PRR23A: variants seen among roughly 807,000 people sequenced by gnomAD.
PRR23A encodes proline rich 23A.
For missense variants in PRR23A, 342 were observed against 372.7 expected (o/e 0.92, Z 0.68); for synonymous variants, 161 against 170.6 (o/e 0.94, Z 0.44).
Position 139,005,662 on chromosome 3 carries a change from G to C in PRR23A, c.607C>G (p.Pro203Ala), listed in dbSNP as rs1936764805. ...GPIPEPCALA[P>A]NPSSEGHSPG... ...GAGTGTCCCTCTGAACTGGGGTTGG[G>C]GGCCAGAGCACAGGGTTCTGGGATG... The change falls in exon 1 of 1, where the codon CCC becomes GCC. Residue 203 changes from proline (P) to alanine (A), a missense_variant. By Grantham distance (27) the Pro-to-Ala change is conservative. Coordinates refer to ENST00000383163, the MANE Select transcript of PRR23A (RefSeq NM_001134659.1). 1 of 1,613,604 alleles carries C rather than the reference G, an allele frequency of 6.2e-7. No individual in the cohort carries two copies. The highest frequency in any genetic ancestry group is 8.5e-7 in the Non-Finnish European group (1 of 1,179,862).
At chr3:139,005,532 TG>T in the PRR23A span, 4 of 1,477,090 alleles carry the variant, frequency 2.7e-6, no homozygotes. Flanking sequence ...CGGGTGCGCG[TG>T]GGGACCTGGA....
Position 139,004,359 on chromosome 3 carries a change from C to T in PRR23A, c.*1109G>A, listed in dbSNP as rs1007438423. ...ACACTGCCCTGAAATTCAGGAATAC[C>T]CATTGGTTAAAGTACATAGAATATG... On this transcript the variant is annotated 3_prime_UTR_variant, in exon 1 of 1. Transcript: ENST00000383163. Among the ~76,000 whole-genome samples the T allele has an allele frequency of 1.3e-5, 2 of 152,090 alleles. No individual in the cohort carries two copies. The highest frequency in any genetic ancestry group is 2.9e-5 in the Non-Finnish European group (2 of 68,026).
rs1177400299 is a variant in PRR23A, at chr3:139,005,791, C to T, written c.478G>A (p.Ala160Thr). The T allele has an allele frequency of 6.8e-6, 11 of 1,613,492 alleles. No individual in the cohort carries two copies. Among genetic ancestry groups the T allele is most frequent in the Middle Eastern group, 1.6e-4 (1 of 6,084 alleles). The change falls in exon 1 of 1, where the codon GCG (alanine) becomes ACG (threonine). Residue 160 changes from alanine to threonine, a missense_variant. Ala to Thr is a moderately conservative substitution (Grantham distance 58). Transcript: ENST00000383163. ...TGGAGCTCCGGAAACTCGGGGTCCG[C>T]GTCCTCCTCGTAGGCCTCTTCCTGG... ...AAQEEAYEED[A>T]DPEFPELQMD... is the part of the protein sequence containing the mutation.
the PRR23A span, chr3:139,006,020 C>CG: frequency 6.2e-7 from 1 of 1,611,470 alleles, no homozygotes. Flanking sequence ...TCGACGTTGG[C>CG]GGGAGCTCCA....
In PRR23A at chr3:139,005,536, G is replaced by A. The variant is rs1936763105; in HGVS notation, c.733C>T (p.Pro245Ser). The change falls in exon 1 of 1, where the codon CCC becomes TCC. Residue 245 changes from proline (P) to serine (S), a missense_variant. Physicochemically the swap from Pro to Ser is moderately conservative, Grantham distance 74. Transcript: ENST00000383163. ...PPSPRVGSPG[P>S]HAHPPLPKRP... ...TTCGGGAGCGGCGGGTGCGCGTGGG[G>A]ACCTGGACTCCCCACGCGCGGAGAG... 1.9e-6 allele frequency: 3 copies of A among 1,545,038 alleles called. No homozygotes were observed. Among genetic ancestry groups the A allele is most frequent in the South Asian group, 2.5e-5 (2 of 80,686 alleles).
chr3:139,004,861 C>T lies in PRR23A; in HGVS notation c.*607G>A, dbSNP rs1269179122. 6.6e-6 allele frequency among the ~76,000 whole-genome samples: 1 copy of T among 152,142 alleles called. No homozygotes were observed. Among genetic ancestry groups the T allele is most frequent in the Non-Finnish European group, 1.5e-5 (1 of 68,028 alleles). On this transcript the variant is annotated 3_prime_UTR_variant, in exon 1 of 1. Coordinates refer to ENST00000383163, the MANE Select transcript of PRR23A (RefSeq NM_001134659.1). ...GAATGTTGTTTGTTTACTATCTAAT[C>T]TAATATGCATTTATCTTGATTGTCC...
rs1460121104 is a variant in PRR23A, at chr3:139,004,287, C to A, written c.*1181G>T. Among the ~76,000 whole-genome samples the A allele has an allele frequency of 6.6e-6, 1 of 151,972 alleles. No homozygotes were observed. The highest frequency in any genetic ancestry group is 2.1e-4 in the South Asian group (1 of 4,826). On this transcript the variant is annotated 3_prime_UTR_variant, in exon 1 of 1. Transcript: ENST00000383163. ...AAATAAATTAGACCAAATGTCCATG[C>A]GGTGAAGGTGAGTGAGTACCCCTGA... is the stretch of plus-strand genomic sequence containing the variant.
In PRR23A at chr3:139,005,896, C is replaced by A; in HGVS notation, c.373G>T (p.Asp125Tyr). Residue 125 changes from aspartate (D) to tyrosine (Y), a missense_variant, in exon 1 of 1, where the codon GAC (aspartate) becomes TAC (tyrosine). Asp to Tyr is a radical substitution (Grantham distance 160). Transcript: ENST00000383163. ...QDDSSAGLEV[D>Y]VFLGALREDV... ...TCCCTGAGAGCGCCCAGGAAAACGT[C>A]CACTTCCAGCCCAGCAGACGAGTCG... 6.2e-7 allele frequency: 1 copy of A among 1,613,608 alleles called. No individual in the cohort carries two copies.
rs181896594 is a variant in PRR23A, at chr3:139,004,030, T to C, written c.*1438A>G. On this transcript the variant is annotated 3_prime_UTR_variant, in exon 1 of 1. Transcript: ENST00000383163. ...CATTGCTTATTTATATCTATACATA[T>C]ATATATGTATATGTAGCTTTCATAT... Among the ~76,000 whole-genome samples the C allele has an allele frequency of 3.0e-4, 46 of 152,256 alleles. No individual in the cohort carries two copies. Among genetic ancestry groups the C allele is most frequent in the Admixed American group, 2.4e-3 (37 of 15,288 alleles).
rs1936759001 is a variant in PRR23A at position 139,005,323 on chromosome 3, C to G, written c.*145G>C. On this transcript the variant is annotated 3_prime_UTR_variant, in exon 1 of 1. Transcript: ENST00000383163. ...ACCAACCAGCCAGCCAGCCAACCAA[C>G]CAACCCACCCAAACAACAGTAATCC... 1.3e-6 allele frequency: 1 copy of G among 762,042 alleles called. No individual in the cohort carries two copies. The highest frequency in any genetic ancestry group is 2.9e-5 in the South Asian group (1 of 34,184). 47.2% of individuals were successfully genotyped at this position (762,042 alleles called of 1,614,324 possible).
Position 139,005,973 on chromosome 3 carries a change from A to G in PRR23A, c.296T>C (p.Leu99Pro), listed in dbSNP as rs780420071. ...RVSLDGHTLILIPEVLLSSVD... is the reference protein window; with the variant it reads ...RVSLDGHTLIPIPEVLLSSVD... ...AGAGCTCAGGAGGACCTCTGGGATC[A>G]GGATGAGGGTGTGTCCATCGAGAGA... is the stretch of plus-strand genomic sequence containing the variant. Residue 99 changes from leucine to proline, a missense_variant, in exon 1 of 1, where the codon CTG becomes CCG. Transcript: ENST00000383163. The G allele has an allele frequency of 3.2e-5, 52 of 1,613,880 alleles. No homozygotes were observed. The highest frequency in any genetic ancestry group is 4.2e-5 in the Non-Finnish European group (49 of 1,179,988).
In PRR23A at chr3:139,005,983, T is replaced by G. The variant is rs751977957; in HGVS notation, c.286A>C (p.Thr96Pro). ...SILRVSLDGHTLILIPEVLLS... is the reference protein window; with the variant it reads ...SILRVSLDGHPLILIPEVLLS... ...AGGACCTCTGGGATCAGGATGAGGG[T>G]GTGTCCATCGAGAGACACTCGCAGG... Residue 96 changes from threonine to proline, a missense_variant, in exon 1 of 1, where the codon ACC becomes CCC. Coordinates refer to ENST00000383163, the MANE Select transcript of PRR23A (RefSeq NM_001134659.1). 1 of 1,613,696 alleles carries G rather than the reference T, an allele frequency of 6.2e-7. No homozygotes were observed. The highest frequency in any genetic ancestry group is 2.2e-5 in the East Asian group (1 of 44,802).
At position 139,004,626 on chromosome 3, in the gene PRR23A, C is replaced by T. The variant is rs1023248865; in HGVS notation, c.*842G>A. 8.5e-5 allele frequency among the ~76,000 whole-genome samples: 13 copies of T among 152,108 alleles called. No homozygotes were observed. Among genetic ancestry groups the T allele is most frequent in the Admixed American group, 7.2e-4 (11 of 15,286 alleles). Reference sequence around the variant, plus strand: ...CTGCTAGTAGCTGGGATTACAGGCACACGCCACCATGCCCGGCTAATTTTC... The same window carrying T: ...CTGCTAGTAGCTGGGATTACAGGCATACGCCACCATGCCCGGCTAATTTTC... On this transcript the variant is annotated 3_prime_UTR_variant, in exon 1 of 1. Transcript: ENST00000383163.
chr3:139,005,387 G>C lies in PRR23A; in HGVS notation c.*81C>G. On this transcript the variant is annotated 3_prime_UTR_variant, in exon 1 of 1. Coordinates refer to ENST00000383163, the MANE Select transcript of PRR23A (RefSeq NM_001134659.1). ...CGATGAATGAAGATGCTGCATTTCC[G>C]GGCTGTGGCAAGTCCTCACAGTGAG... 1.7e-6 allele frequency: 2 copies of C among 1,210,546 alleles called. No homozygotes were observed. Among genetic ancestry groups the C allele is most frequent in the Non-Finnish European group, 2.2e-6 (2 of 894,688 alleles). 75.0% of individuals were successfully genotyped at this position (1,210,546 alleles called of 1,614,324 possible). A position where few individuals can be genotyped will look rare whatever the true frequency, so the allele number is the denominator to read the frequency against.
chr3:139,005,821 C>G lies in PRR23A; in HGVS notation c.448G>C (p.Ala150Pro). The G allele has an allele frequency of 6.2e-7, 1 of 1,613,956 alleles. No homozygotes were observed. The change falls in exon 1 of 1, where the codon GCC becomes CCC. Residue 150 changes from alanine (A) to proline (P), a missense_variant. Ala to Pro is a conservative substitution (Grantham distance 27, BLOSUM62 -1). Coordinates refer to ENST00000383163, the MANE Select transcript of PRR23A (RefSeq NM_001134659.1). Reference protein sequence around the residue: ...EVFCASVPEIAAQEEAYEEDA... With the variant: ...EVFCASVPEIPAQEEAYEEDA... ...TCCTCGTAGGCCTCTTCCTGGGCGGCGATCTCTGGGACAGATGCGCAGAAG... is the reference window on the plus strand; with the variant it reads ...TCCTCGTAGGCCTCTTCCTGGGCGGGGATCTCTGGGACAGATGCGCAGAAG...
rs762548197 is a variant in PRR23A at position 139,005,873 on chromosome 3, C to A, written c.396G>T (p.Arg132Ser). 5.0e-6 allele frequency: 8 copies of A among 1,613,702 alleles called. No homozygotes were observed. The highest frequency in any genetic ancestry group is 6.8e-6 in the Non-Finnish European group (8 of 1,179,846). The change falls in exon 1 of 1, where the codon AGG becomes AGT. Residue 132 changes from arginine (R) to serine (S), a missense_variant. By Grantham distance (110) the Arg-to-Ser change is moderately radical. Coordinates refer to ENST00000383163, the MANE Select transcript of PRR23A (RefSeq NM_001134659.1). ...CTTCCTGCTCAACGACGACGTCCTC[C>A]CTGAGAGCGCCCAGGAAAACGTCCA... is the stretch of plus-strand genomic sequence containing the variant. ...LEVDVFLGAL[R>S]EDVVVEQEVF...
At position 139,004,677 on chromosome 3, in the gene PRR23A, G is replaced by C. The variant is rs1470857605; in HGVS notation, c.*791C>G. 6.6e-6 allele frequency among the ~76,000 whole-genome samples: 1 copy of C among 151,930 alleles called. No homozygotes were observed. Among genetic ancestry groups the C allele is most frequent in the South Asian group, 2.1e-4 (1 of 4,812 alleles). On this transcript the variant is annotated 3_prime_UTR_variant, in exon 1 of 1. Transcript: ENST00000383163. ...GTATTTTTAGTAGAGACGGAGTTTC[G>C]CCATGTTGGCCAGGCTAGTCTCGAA... is the stretch of plus-strand genomic sequence containing the variant.
rs892756758 is a variant in PRR23A at position 139,004,592 on chromosome 3, G to A, written c.*876C>T. On this transcript the variant is annotated 3_prime_UTR_variant, in exon 1 of 1. Transcript: ENST00000383163. Reference sequence around the variant, plus strand: ...CCTCTCAGGTTCAAGCACTCCTCCTGCCTCATCCCTGCTAGTAGCTGGGAT... The same window carrying A: ...CCTCTCAGGTTCAAGCACTCCTCCTACCTCATCCCTGCTAGTAGCTGGGAT... 6.6e-6 allele frequency among the ~76,000 whole-genome samples: 1 copy of A among 150,822 alleles called. No homozygotes were observed. Among genetic ancestry groups the A allele is most frequent in the Non-Finnish European group, 1.5e-5 (1 of 67,884 alleles).
At chr3:139,005,915 CGA>C in the PRR23A span, 3 of 1,612,800 alleles carry the variant, frequency 1.9e-6, no homozygotes, top group Non-Finnish European at 2.5e-6. Context: ...GCCCAGCAGA[CGA>C]GTCGTCCTGC....
Sources: gnomAD v4.1 joint callset for allele counts (sites outside exome capture counted in the v4.1 genomes callset) on GRCh38, gnomAD v4.1.1 for gene constraint, MANE v1.5 for transcripts, NCBI Gene and HGNC (gene_info 2026-07-23, HGNC 2026-07-21) for gene names.